ABLIM2: variants seen among roughly 807,000 people sequenced by gnomAD.
The protein encoded by ABLIM2 is actin-binding LIM protein 2.
ABLIM2 carries 53 observed loss-of-function variants against 97.7 expected under a neutral mutation model. That is an observed-to-expected ratio of 0.54 (90% confidence interval 0.44 to 0.68). The LOEUF (loss-of-function observed/expected upper bound fraction) is 0.68. ABLIM2 is among the 30% of genes least tolerant of loss of function. ABLIM2 has a pLI of 0.00. For synonymous variants in ABLIM2, 361 were observed against 345.8 expected (o/e 1.04, Z -0.49); for missense variants, 835 against 867.2 (o/e 0.96, Z 0.47).
At chr4:8,089,094 TA>T (rs1825640554) in intron 3 of ABLIM2, among the ~76,000 whole-genome samples, 1 of 152,248 alleles carries the variant, frequency 6.6e-6, no homozygotes, top group African/African-American at 2.4e-5. Context: ...TTTACTTGAC[TA>T]CTGAGTTTTT....
rs1388100248 is a variant in ABLIM2 at position 8,119,136 on chromosome 4, A to T, written c.11-12499T>A. Among the ~76,000 whole-genome samples the T allele has an allele frequency of 2.0e-5, 3 of 152,006 alleles. No individual in the cohort carries two copies. In the South Asian group the frequency reaches 6.2e-4, roughly 32 times the overall value. On this transcript the variant is annotated intron_variant, in intron 1 of 20. Coordinates refer to ENST00000447017, the MANE Select transcript of ABLIM2 (RefSeq NM_001130083.2). ...GGCCCAGCAAGCCTCAGGCTGTCCC[A>T]GGACACTTTTGTCCTGGCACGATCA...
chr4:8,036,169 C>G lies in ABLIM2; in HGVS notation c.1027G>C (p.Asp343His), dbSNP rs768462513. Residue 343 changes from aspartate to histidine, a missense_variant, in exon 10 of 21, where the codon GAC (aspartate) becomes CAC (histidine). By Grantham distance (81) the Asp-to-His change is moderately conservative. Coordinates refer to ENST00000447017, the MANE Select transcript of ABLIM2 (RefSeq NM_001130083.2). Reference sequence around the variant, plus strand: ...CATACCTCGCCGTAGCTCTGCCTGTCCCCTGCAGAGTGGCTGATGTAGGGT... The same window carrying G: ...CATACCTCGCCGTAGCTCTGCCTGTGCCCTGCAGAGTGGCTGATGTAGGGT... ...YSPYISHSAG[D>H]RQSYGEGDQD... 1.9e-6 allele frequency: 3 copies of G among 1,613,826 alleles called. No individual in the cohort carries two copies. In the South Asian group the frequency reaches 3.3e-5, roughly 18 times the overall value.
At position 8,002,022 on chromosome 4, in the gene ABLIM2, A is replaced by G. The variant is rs943265987; in HGVS notation, c.1618+6037T>C. 6.6e-6 allele frequency among the ~76,000 whole-genome samples: 1 copy of G among 152,216 alleles called. No individual in the cohort carries two copies. Among genetic ancestry groups the G allele is most frequent in the Non-Finnish European group, 1.5e-5 (1 of 68,030 alleles). On this transcript the variant is annotated intron_variant, in intron 16 of 20. Coordinates refer to ENST00000447017, the MANE Select transcript of ABLIM2 (RefSeq NM_001130083.2). This position sits in a 1 kb window ranked among gnomAD's most constrained non-coding sequence, Gnocchi z 6.1. Reference sequence around the variant, plus strand: ...ACAAAGAGTAGGCTGGGGGCCAGGCAGGAGATCACACCTGATTTGAGTCTC... The same window carrying G: ...ACAAAGAGTAGGCTGGGGGCCAGGCGGGAGATCACACCTGATTTGAGTCTC...
At chr4:8,093,341 C>A (rs182581111) in intron 3 of ABLIM2, among the ~76,000 whole-genome samples, 1 of 152,184 alleles carries the variant, frequency 6.6e-6, no homozygotes, top group African/African-American at 2.4e-5. Flanking sequence ...TCTCATTTTG[C>A]GTTTCCTTCA....
chr4:8,075,415 G>C lies in ABLIM2; in HGVS notation c.675+2213C>G, dbSNP rs1269364286. Among the ~76,000 whole-genome samples the C allele has an allele frequency of 1.3e-5, 2 of 152,198 alleles. No individual in the cohort carries two copies. Among genetic ancestry groups the C allele is most frequent in the Admixed American group, 1.3e-4 (2 of 15,270 alleles). Reference sequence around the variant, plus strand: ...GATAAAGAAAACCATTGAATGGGCTGGGTATGGTGACTCACACCTGTAATC... The same window carrying C: ...GATAAAGAAAACCATTGAATGGGCTCGGTATGGTGACTCACACCTGTAATC... On this transcript the variant is annotated intron_variant, in intron 6 of 20. Coordinates refer to ENST00000447017, the MANE Select transcript of ABLIM2 (RefSeq NM_001130083.2). This position sits in a 1 kb window ranked among gnomAD's most constrained non-coding sequence, Gnocchi z 4.4.
At chr4:8,091,060 C>G (rs1256809567) in intron 3 of ABLIM2, among the ~76,000 whole-genome samples, 1 of 151,234 alleles carries the variant, frequency 6.6e-6, no homozygotes, top group East Asian at 1.9e-4. Context: ...AGCCGGTTTC[C>G]ATGGCCGTTG....
In ABLIM2 at chr4:8,148,715, AAACCACACAG is replaced by A. The variant is rs1337100647; in HGVS notation, c.10+9955_10+9964del. 6.6e-6 allele frequency among the ~76,000 whole-genome samples: 1 copy of A among 152,168 alleles called. No individual in the cohort carries two copies. Among genetic ancestry groups the A allele is most frequent in the Non-Finnish European group, 1.5e-5 (1 of 68,008 alleles). Reference sequence around the variant, plus strand: ...TACATCCCAAGGTGTCCATTGCCCCAAACCACACAGGAACTCAGAGTCGGAAAGATCCTCT... The same window carrying A: ...TACATCCCAAGGTGTCCATTGCCCCAGAACTCAGAGTCGGAAAGATCCTCT... On this transcript the variant is annotated intron_variant, in intron 1 of 20. Transcript: ENST00000447017. The surrounding 1 kb of genome is among the most constrained non-coding windows in gnomAD (Gnocchi z 6.7).
At chr4:8,141,029 C>G (rs1850899366) in intron 1 of ABLIM2, among the ~76,000 whole-genome samples, 1 of 151,802 alleles carries the variant, frequency 6.6e-6, no homozygotes, top group Non-Finnish European at 1.5e-5. Flanking sequence ...TGTCTCCAGG[C>G]CCCTGAGCTG....
Position 8,068,562 on chromosome 4 carries a change from T to A in ABLIM2, c.676-7508A>T, listed in dbSNP as rs540362217. Among the ~76,000 whole-genome samples, 1 of 152,326 alleles carries A rather than the reference T, an allele frequency of 6.6e-6. No homozygotes were observed. Among genetic ancestry groups the A allele is most frequent in the Non-Finnish European group, 1.5e-5 (1 of 68,028 alleles). ...CGTCTTTGGGCTTCTGGAGAATGGATCAGCCCTCTCTGCCATGAGCCCCTC... is the reference window on the plus strand; with the variant it reads ...CGTCTTTGGGCTTCTGGAGAATGGAACAGCCCTCTCTGCCATGAGCCCCTC... On this transcript the variant is annotated intron_variant, in intron 6 of 20. Transcript: ENST00000447017. This position sits in a 1 kb window ranked among gnomAD's most constrained non-coding sequence, Gnocchi z 4.5.
At chr4:8,104,572 C>T (rs552851274) in intron 2 of ABLIM2, among the ~76,000 whole-genome samples, 37 of 152,310 alleles carry the variant, frequency 2.4e-4, no homozygotes, top group Non-Finnish European at 3.2e-4. Context: ...CTCAGCATCT[C>T]TGAAGGTCGG....
rs541828597 is a variant in ABLIM2, at chr4:8,085,044, C to T, written c.454+3125G>A. On this transcript the variant is annotated intron_variant, in intron 4 of 20. Transcript: ENST00000447017. The surrounding 1 kb of genome is among the most constrained non-coding windows in gnomAD (Gnocchi z 6.1). ...CCTCCCAACGAGAGTGGTGGGGAAG[C>T]TGAGGCATGCGGGGTGTTCGCTGCT... Among the ~76,000 whole-genome samples the T allele has an allele frequency of 6.6e-6, 1 of 152,312 alleles. No individual in the cohort carries two copies. The highest frequency in any genetic ancestry group is 1.9e-4 in the East Asian group (1 of 5,186).
At chr4:8,098,617 G>A (rs150785633) in intron 2 of ABLIM2, among the ~76,000 whole-genome samples, 28 of 152,266 alleles carry the variant, frequency 1.8e-4, no homozygotes, top group Non-Finnish European at 3.1e-4. Context: ...GACGTCAACC[G>A]AGCAGCTTAG....
In ABLIM2 at chr4:8,032,294, C is replaced by G. The variant is rs1781468234; in HGVS notation, c.1048-2518G>C. Among the ~76,000 whole-genome samples, 1 of 152,068 alleles carries G rather than the reference C, an allele frequency of 6.6e-6. No homozygotes were observed. Among genetic ancestry groups the G allele is most frequent in the East Asian group, 1.9e-4 (1 of 5,172 alleles). The stretch of plus-strand genomic sequence containing the variant: ...TCCACGAGGACTGGGTGCTTCCACA[C>G]AACCCACGTGGAGGGGCAGGAGGCA... On this transcript the variant is annotated intron_variant, in intron 10 of 20. Coordinates refer to ENST00000447017, the MANE Select transcript of ABLIM2 (RefSeq NM_001130083.2). The surrounding 1 kb of genome is among the most constrained non-coding windows in gnomAD (Gnocchi z 4.3).
intron 1 of ABLIM2, among the ~76,000 whole-genome samples, chr4:8,156,882 A>C (rs1244723274): frequency 1.3e-5 from 2 of 152,212 alleles, no homozygotes; most frequent in East Asian, 3.8e-4. Flanking sequence ...TGCTGTGCGC[A>C]TCATCGGCTG....
At chr4:8,073,221 G>A (rs1288043067) in intron 6 of ABLIM2, among the ~76,000 whole-genome samples, 3 of 151,524 alleles carry the variant, frequency 2.0e-5, no homozygotes, top group Non-Finnish European at 4.4e-5. Context: ...TAGGGGTGGG[G>A]GTGGTGTGCG....
intron 2 of ABLIM2, among the ~76,000 whole-genome samples, chr4:8,099,587 C>T (rs1356162128): frequency 3.9e-5 from 6 of 152,124 alleles, no homozygotes; most frequent in Non-Finnish European, 7.3e-5. Context: ...GGCTCACACC[C>T]GTAATCCCAA....
At chr4:7,974,068 T>C (rs931407566) in intron 20 of ABLIM2, among the ~76,000 whole-genome samples, 3 of 152,222 alleles carry the variant, frequency 2.0e-5, no homozygotes, top group Non-Finnish European at 2.9e-5. Context: ...GTCCCCGGCT[T>C]GCTGGCTTGC....
At chr4:8,118,125 G>T (rs536766653) in intron 1 of ABLIM2, among the ~76,000 whole-genome samples, 194 of 152,340 alleles carry the variant, frequency 1.3e-3, no homozygotes, top group African/African-American at 4.4e-3. Context: ...GGAAGGCTGC[G>T]GCTGTACTGA....
In ABLIM2 at chr4:7,992,569, T is replaced by C. The variant is rs373395634; in HGVS notation, c.1680+297A>G. Among the ~76,000 whole-genome samples the C allele has an allele frequency of 1.3e-5, 2 of 152,080 alleles. No homozygotes were observed. The highest frequency in any genetic ancestry group is 4.8e-5 in the African/African-American group (2 of 41,412). ...ACGGTTAGGAGGGGCATCTTGGAGC[T>C]GCGCCTGATCACTCTGGGTGGCCCT... On this transcript the variant is annotated intron_variant, in intron 17 of 20. Coordinates refer to ENST00000447017, the MANE Select transcript of ABLIM2 (RefSeq NM_001130083.2). The surrounding 1 kb of genome is among the most constrained non-coding windows in gnomAD (Gnocchi z 5.7).
Sources: allele counts gnomAD v4.1 joint callset (sites outside exome capture counted in the v4.1 genomes callset), GRCh38; gene constraint gnomAD v4.1.1; non-coding constraint Gnocchi (gnomAD v3.1); transcripts MANE v1.5; gene names NCBI Gene and HGNC (gene_info 2026-07-23, HGNC 2026-07-21).